DAOA: variants seen among roughly 807,000 people sequenced by gnomAD.
The protein encoded by DAOA is D-amino acid oxidase activator.
Under a neutral mutation model 16.4 loss-of-function variants are expected in DAOA, and 15 were observed. The observed-to-expected ratio is 0.91, with a 90% CI of 0.61 to 1.41. The LOEUF (loss-of-function observed/expected upper bound fraction) is 1.41, where lower values mean the gene tolerates loss of function less well. DAOA is among the 40% of genes most tolerant of loss of function. The probability of loss-of-function intolerance (pLI) is 0.00; values close to 1 mark genes in which losing one functional copy is unlikely to be tolerated. For missense variants in DAOA, 230 were observed against 176.8 expected, an observed-to-expected ratio of 1.30 and a Z score of -1.71; for synonymous variants, 75 against 59.1, an observed-to-expected ratio of 1.27 and a Z score of -1.23.
At position 105,484,306 on chromosome 13, in the gene DAOA, G is replaced by A. The variant is rs143072051; in HGVS notation, c.282-5595G>A. 3.9e-3 allele frequency among the ~76,000 whole-genome samples: 589 copies of A among 152,038 alleles called. 4 individuals are homozygous for A. Among genetic ancestry groups the A allele is most frequent in the African/African-American group, 0.013 (544 of 41,492 alleles). ...TTTGTTCTTTTAGAAAAGTGTTACA[G>A]CTGTAACAATTCTTTTGCGTTTACA... On this transcript the variant is annotated intron_variant, in intron 4 of 5. Transcript: ENST00000375936.
At chr13:105,480,197 T>C (rs1248138367) in intron 4 of DAOA, among the ~76,000 whole-genome samples, 1 of 152,334 alleles carries the variant, frequency 6.6e-6, no homozygotes, top group East Asian at 1.9e-4. Context: ...TTCATTTCTT[T>C]TTCTTCTAAG....
chr13:105,466,435 T>C (rs1876521639), intron 2 of DAOA, 103 bp downstream of exon 2: 2 of 1,570,974 alleles, frequency 1.3e-6, no homozygotes, highest in Non-Finnish European at 1.7e-6. Flanking sequence ...AGACAGGAAG[T>C]GGAACATGTC....
In DAOA at chr13:105,490,101, C is replaced by G. The variant is rs1878414710; in HGVS notation, c.*20C>G. On this transcript the variant is annotated 3_prime_UTR_variant, in exon 5 of 6. Coordinates refer to ENST00000375936, the MANE Select transcript of DAOA (RefSeq NM_172370.5). ...GAATGAGTTTGGAAGCAGATTCTTC[C>G]CAGCCAATCCTTCTGATGACAATGT... 6.5e-7 allele frequency: 1 copy of G among 1,541,232 alleles called. No homozygotes were observed. Among genetic ancestry groups the G allele is most frequent in the African/African-American group, 1.4e-5 (1 of 72,688 alleles).
At chr13:105,479,512 A>G (rs569638248) in intron 4 of DAOA, among the ~76,000 whole-genome samples, 1 of 152,184 alleles carries the variant, frequency 6.6e-6, no homozygotes, top group African/African-American at 2.4e-5. Context: ...AATCTGTGCC[A>G]GGCTTCTCTC....
chr13:105,479,798 G>T (rs1429208686), intron 4 of DAOA, among the ~76,000 whole-genome samples: 2 of 152,162 alleles, frequency 1.3e-5, no homozygotes, highest in Non-Finnish European at 2.9e-5. Context: ...AACCAGTAGA[G>T]ACTACTTTCG....
At chr13:105,482,168 G>A (rs80210669) in intron 4 of DAOA, among the ~76,000 whole-genome samples, 3 of 152,102 alleles carry the variant, frequency 2.0e-5, no homozygotes, top group African/African-American at 4.8e-5. Context: ...CCCATGATAC[G>A]TGGGATTGTG....
chr13:105,467,231 T>G (rs1160162791), intron 3 of DAOA, 90 bp downstream of exon 3: 4 of 1,345,060 alleles, frequency 3.0e-6, no homozygotes, highest in Non-Finnish European at 1.0e-6. Context: ...TTGACATATT[T>G]TCAAGCGTAG....
At chr13:105,477,198 T>C (rs1056562153) in intron 4 of DAOA, 2 of 152,132 alleles carry the variant, frequency 1.3e-5, no homozygotes, top group Non-Finnish European at 2.9e-5. Flanking sequence ...CTACCAGACC[T>C]TGGATCTGGA....
intron 4 of DAOA, among the ~76,000 whole-genome samples, chr13:105,479,207 G>GT (rs898069718): frequency 2.0e-5 from 3 of 152,060 alleles, no homozygotes; most frequent in Non-Finnish European, 2.9e-5. Context: ...TTGTTTCTTG[G>GT]TTTTTTCAAG....
intron 3 of DAOA, among the ~76,000 whole-genome samples, chr13:105,470,887 T>G (rs1208027546): frequency 9.9e-5 from 15 of 151,872 alleles, no homozygotes; most frequent in Admixed American, 9.8e-4. Context: ...GCCTCCCGGG[T>G]TCATGCCATT....
chr13:105,478,424 C>G lies in DAOA; in HGVS notation c.281+5739C>G, dbSNP rs572691059. 3.3e-5 allele frequency among the ~76,000 whole-genome samples: 5 copies of G among 152,272 alleles called. No homozygotes were observed. In the East Asian group the frequency reaches 9.7e-4, roughly 29 times the overall value. On this transcript the variant is annotated intron_variant, in intron 4 of 5. Transcript: ENST00000375936. ...CTGAACAGAGCAGATGCATACTCACCCATTTGTACTTTTACAAACTAGGAC... is the reference window on the plus strand; with the variant it reads ...CTGAACAGAGCAGATGCATACTCACGCATTTGTACTTTTACAAACTAGGAC...
rs765378685 is a variant in DAOA, at chr13:105,472,550, A to G, written c.146A>G (p.Glu49Gly). 6.2e-7 allele frequency: 1 copy of G among 1,613,902 alleles called. No individual in the cohort carries two copies. Among genetic ancestry groups the G allele is most frequent in the Admixed American group, 1.7e-5 (1 of 60,002 alleles). Residue 49 changes from glutamate to glycine, a missense_variant, in exon 4 of 6, where the codon GAA becomes GGA. By Grantham distance (98) the Glu-to-Gly change is moderately conservative. Transcript: ENST00000375936. ...NSLNSIAKET[E>G]EGRETVTRKE... The stretch of plus-strand genomic sequence containing the variant: ...AATACTGTTGCAGCAAAGGAGACAG[A>G]AGAAGGAAGAGAGACGGTAACAAGG...
intron 3 of DAOA, among the ~76,000 whole-genome samples, chr13:105,470,116 A>ATT (rs33937275): frequency 0.039 from 5,562 of 142,242 alleles, 152 homozygotes; most frequent in African/African-American, 0.066. Flanking sequence ...GCTCATTGGA[A>ATT]TTTTTTTTTT....
intron 3 of DAOA, 44 bp downstream of exon 3, chr13:105,467,185 A>C: frequency 1.3e-6 from 2 of 1,530,514 alleles, no homozygotes; most frequent in Non-Finnish European, 1.8e-6. Flanking sequence ...TTCTTCTAGA[A>C]GTTAGATAAA....
Position 105,472,581 on chromosome 13 carries a change from A to G in DAOA, c.177A>G (p.Glu59=). 2.5e-6 allele frequency: 4 copies of G among 1,614,128 alleles called. No homozygotes were observed. Among genetic ancestry groups the G allele is most frequent in the Non-Finnish European group, 2.5e-6 (3 of 1,179,972 alleles). ...GAAGAGAGACGGTAACAAGGAAAGAAGGATGGAAGAGAAGGCATGAGGACG... is the reference window on the plus strand; with the variant it reads ...GAAGAGAGACGGTAACAAGGAAAGAGGGATGGAAGAGAAGGCATGAGGACG... ...EEGRETVTRK[E]GWKRRHEDGY... is the part of the protein sequence containing the mutation. Residue 59 remains glutamate, a synonymous_variant, in exon 4 of 6, where the codon GAA becomes GAG. Coordinates refer to ENST00000375936, the MANE Select transcript of DAOA (RefSeq NM_172370.5).
At chr13:105,473,358 C>A (rs1050423853) in intron 4 of DAOA, among the ~76,000 whole-genome samples, 1 of 151,832 alleles carries the variant, frequency 6.6e-6, no homozygotes, top group African/African-American at 2.4e-5. Context: ...GGGACTTTTT[C>A]CCCTAAATAA....
intron 4 of DAOA, among the ~76,000 whole-genome samples, chr13:105,485,602 T>C (rs1451103396): frequency 6.6e-6 from 1 of 152,226 alleles, no homozygotes; most frequent in Non-Finnish European, 1.5e-5. Context: ...CCTATGAATA[T>C]GACCTTATTT....
At chr13:105,488,310 C>A (rs1374214823) in intron 4 of DAOA, among the ~76,000 whole-genome samples, 1 of 152,076 alleles carries the variant, frequency 6.6e-6, no homozygotes, top group Non-Finnish European at 1.5e-5. Context: ...AACACAGTAT[C>A]TAATTTTATG....
At chr13:105,473,998 G>A (rs1877169325) in intron 4 of DAOA, among the ~76,000 whole-genome samples, 1 of 152,110 alleles carries the variant, frequency 6.6e-6, no homozygotes, top group African/African-American at 2.4e-5. Context: ...CATGCTAGAA[G>A]CTTACCTGGC....
Sources: gnomAD v4.1 joint callset for allele counts (sites outside exome capture counted in the v4.1 genomes callset) on GRCh38, gnomAD v4.1.1 for gene constraint, MANE v1.5 for transcripts, NCBI Gene and HGNC (gene_info 2026-07-23, HGNC 2026-07-21) for gene names.